ANKFN1: variants seen among roughly 807,000 people sequenced by gnomAD.
ANKFN1 encodes the protein ankyrin repeat and fibronectin type III domain containing 1, also known as ankyrin repeat and fibronectin type-III domain-containing protein 1.
A neutral mutation model predicts 108.7 loss-of-function variants in ANKFN1; 74 were observed. The observed-to-expected ratio is 0.68, with a 90% CI of 0.56 to 0.83. The LOEUF (loss-of-function observed/expected upper bound fraction) is 0.83, where lower values mean the gene tolerates loss of function less well. Ranked by LOEUF, ANKFN1 falls within the 40% of genes least tolerant of loss-of-function variation. The pLI, the probability that ANKFN1 is intolerant of heterozygous loss-of-function variation, is 0.00. For synonymous variants in ANKFN1, 547 were observed against 516.2 expected, an observed-to-expected ratio of 1.06 and a Z score of -0.81; for missense variants, 1,505 against 1,382.3, an observed-to-expected ratio of 1.09 and a Z score of -1.41.
intron 4 of ANKFN1, among the ~76,000 whole-genome samples, chr17:56,130,368 G>A (rs192938516): frequency 1.4e-4 from 21 of 152,086 alleles, no homozygotes; most frequent in Admixed American, 1.0e-3. Context: ...AAGTTTACAC[G>A]GTTCTTTTAT....
At chr17:56,094,434 G>T in intron 4 of ANKFN1, among the ~76,000 whole-genome samples, 2 of 146,884 alleles carry the variant, frequency 1.4e-5, no homozygotes, top group African/African-American at 2.5e-5. Flanking sequence ...TAGCAGAAAT[G>T]ACTGTACTTA....
At chr17:56,453,466 T>G (rs570832149) in intron 11 of ANKFN1, among the ~76,000 whole-genome samples, 1 of 152,326 alleles carries the variant, frequency 6.6e-6, no homozygotes, top group East Asian at 1.9e-4. Context: ...CTCAATATAA[T>G]CAGATGCTTT....
chr17:56,330,426 G>A (rs1463515414), intron 4 of ANKFN1, among the ~76,000 whole-genome samples: 1 of 152,188 alleles, frequency 6.6e-6, no homozygotes, highest in East Asian at 1.9e-4. Flanking sequence ...CCCTTGACAT[G>A]TGGGGATTAT....
At chr17:56,323,251 AG>A (rs1418286274) in intron 3 of ANKFN1, 1 of 152,198 alleles carries the variant, frequency 6.6e-6, no homozygotes, top group African/African-American at 2.4e-5. Context: ...GAAAGGGCAA[AG>A]CTGCCTTTAG....
rs528153329 is a variant in ANKFN1, at chr17:56,294,263, A to G, written c.54-31958A>G. The stretch of plus-strand genomic sequence containing the variant: ...GCCCTGTTTCCCTCCAGTGGCTGGT[A>G]ATCAAGAAGAGAATGCATGATTGCC... On this transcript the variant is annotated intron_variant, in intron 3 of 20. Coordinates refer to ENST00000682825, the MANE Select transcript of ANKFN1 (RefSeq NM_001370326.1). Among the ~76,000 whole-genome samples, 8 of 152,294 alleles carry G rather than the reference A, an allele frequency of 5.3e-5. No individual in the cohort carries two copies. In the South Asian group the frequency reaches 1.7e-3, roughly 32 times the overall value.
At chr17:56,449,282 C>A in intron 11 of ANKFN1, 96 bp downstream of exon 11, 1 of 810,890 alleles carries the variant, frequency 1.2e-6, no homozygotes, top group Non-Finnish European at 2.0e-6. Context: ...TCTCATTCAT[C>A]AGGGAGAGAG....
chr17:56,114,385 G>C (rs543785570), intron 4 of ANKFN1, among the ~76,000 whole-genome samples: 8 of 152,284 alleles, frequency 5.3e-5, no homozygotes, highest in East Asian at 1.9e-4. Flanking sequence ...GCTCAACTTT[G>C]CTAGTAATCA....
At chr17:56,314,780 T>A (rs2045150308) in intron 3 of ANKFN1, among the ~76,000 whole-genome samples, 1 of 152,210 alleles carries the variant, frequency 6.6e-6, no homozygotes, top group African/African-American at 2.4e-5. Context: ...CCCTCATCAG[T>A]AATCTTTACA....
intron 16 of ANKFN1, among the ~76,000 whole-genome samples, chr17:56,479,957 G>T (rs1018505771): frequency 6.6e-6 from 1 of 152,224 alleles, no homozygotes; most frequent in Non-Finnish European, 1.5e-5. Context: ...CTTTTGAAGA[G>T]CAGCCTTTGG....
At chr17:56,146,889 G>A (rs1908294916) in intron 4 of ANKFN1, among the ~76,000 whole-genome samples, 1 of 152,164 alleles carries the variant, frequency 6.6e-6, no homozygotes, top group Admixed American at 6.6e-5. Flanking sequence ...CCCAGAAAAT[G>A]GGGTTTTCTT....
intron 1 of ANKFN1, among the ~76,000 whole-genome samples, 186 bp from the exon 2 acceptor site, chr17:56,212,412 A>C (rs1484905816): frequency 2.6e-5 from 4 of 152,004 alleles, no homozygotes; most frequent in Non-Finnish European, 5.9e-5. Context: ...GTGGATTATC[A>C]TTTTGATGTG....
intron 3 of ANKFN1, among the ~76,000 whole-genome samples, chr17:56,304,775 A>G (rs1420039554): frequency 6.6e-6 from 1 of 152,180 alleles, no homozygotes; most frequent in Non-Finnish European, 1.5e-5. Flanking sequence ...TCAATGGCTA[A>G]TGGTGTTGAG....
chr17:56,235,593 C>T (rs951150521), intron 3 of ANKFN1, among the ~76,000 whole-genome samples: 1 of 152,164 alleles, frequency 6.6e-6, no homozygotes, highest in Admixed American at 6.6e-5. Flanking sequence ...TACCCCAGCA[C>T]CATTTCTTGA....
rs111653652 is a variant in ANKFN1, at chr17:56,083,887, A to T, written c.288+37562A>T. Among the ~76,000 whole-genome samples, 451 of 151,574 alleles carry T rather than the reference A, an allele frequency of 3.0e-3. 11 individuals are homozygous for T. Among genetic ancestry groups the T allele is most frequent in the African/African-American group, 0.01 (428 of 41,380 alleles). ...GTCATCTTACAACAATGTAAATGACATGCTTAGCTGAAACCTACTGAATGA... is the reference window on the plus strand; with the variant it reads ...GTCATCTTACAACAATGTAAATGACTTGCTTAGCTGAAACCTACTGAATGA... On this transcript the variant is annotated intron_variant, in intron 4 of 12. Coordinates refer to the ANKFN1 transcript ENST00000635860.
At chr17:56,088,123 T>C (rs1038661866) in intron 4 of ANKFN1, among the ~76,000 whole-genome samples, 4 of 151,206 alleles carry the variant, frequency 2.6e-5, no homozygotes, top group Non-Finnish European at 5.9e-5. Flanking sequence ...GATATCTAGG[T>C]CCACTTTTAT....
chr17:56,228,040 A>C, intron 3 of ANKFN1, 83 bp downstream of exon 3: 7 of 1,160,034 alleles, frequency 6.0e-6, no homozygotes, highest in Non-Finnish European at 8.7e-6. Context: ...CTCCCATCTC[A>C]CATTGCTGCA....
intron 1 of ANKFN1, among the ~76,000 whole-genome samples, chr17:56,211,062 C>T (rs1000088298): frequency 2.0e-5 from 3 of 152,166 alleles, no homozygotes; most frequent in African/African-American, 7.2e-5. Context: ...TTTCTGTTTA[C>T]TCTGCTGATT....
intron 4 of ANKFN1, among the ~76,000 whole-genome samples, chr17:56,335,349 G>A (rs2045777873): frequency 6.6e-6 from 1 of 152,184 alleles, no homozygotes; most frequent in African/African-American, 2.4e-5. Context: ...TCCTAACCAT[G>A]AGCATGGACT....
At chr17:56,373,236 T>G (rs142317351) in intron 7 of ANKFN1, among the ~76,000 whole-genome samples, 1 of 152,366 alleles carries the variant, frequency 6.6e-6, no homozygotes, top group East Asian at 1.9e-4. Context: ...CAAGTTTAAG[T>G]TGTTTTCAAC....
Sources: allele counts gnomAD v4.1 joint callset (sites outside exome capture counted in the v4.1 genomes callset), GRCh38; gene constraint gnomAD v4.1.1; transcripts MANE v1.5; gene names NCBI Gene and HGNC (gene_info 2026-07-23, HGNC 2026-07-21).